Variants in ADGRD1 observed in about 807,000 individuals in gnomAD.
ADGRD1 encodes the protein G-protein coupled receptor 133.
Under a neutral mutation model 113.4 loss-of-function variants are expected in ADGRD1, and 77 were observed. The ratio of observed to expected loss-of-function variants is 0.68; its 90% CI spans 0.57 to 0.82. The LOEUF is 0.82. Among genes scored for constraint, ADGRD1 ranks in the 40% least tolerant of loss-of-function variants. ADGRD1 has a pLI of 0.00. For synonymous variants in ADGRD1, 474 were observed against 475.0 expected (o/e 1.00, Z 0.03); for missense variants, 1,036 against 1,139.1 (o/e 0.91, Z 1.30).
rs1878510116 is a variant in ADGRD1 at position 131,015,838 on chromosome 12, TC to T, written c.1473+1502del. 2.0e-5 allele frequency among the ~76,000 whole-genome samples: 3 copies of T among 152,198 alleles called. No homozygotes were observed. In the South Asian group the frequency reaches 6.2e-4, roughly 32 times the overall value. On this transcript the variant is annotated intron_variant, in intron 13 of 24. Coordinates refer to ENST00000261654, the MANE Select transcript of ADGRD1 (RefSeq NM_198827.5). The stretch of plus-strand genomic sequence containing the variant: ...TCCGCGTGTTCTGTCTGCTCCATTC[TC>T]CCCACAGTTTACAGACTTATTGTCA...
intron 2 of ADGRD1, among the ~76,000 whole-genome samples, chr12:130,959,968 G>T (rs1336335641): frequency 6.6e-6 from 1 of 152,180 alleles, no homozygotes; most frequent in Non-Finnish European, 1.5e-5. Context: ...GAAATCCAGG[G>T]TCGGCAGAGT....
chr12:131,077,931 T>G (rs1885768655), intron 14 of ADGRD1, among the ~76,000 whole-genome samples: 1 of 152,188 alleles, frequency 6.6e-6, no homozygotes, highest in East Asian at 1.9e-4. Context: ...TTATATGAAC[T>G]GTCCCAATGT....
At position 131,041,089 on chromosome 12, in the gene ADGRD1, C is replaced by A. The variant is rs1882089826; in HGVS notation, c.1473+26749C>A. Among the ~76,000 whole-genome samples, 1 of 152,202 alleles carries A rather than the reference C, an allele frequency of 6.6e-6. No homozygotes were observed. Among genetic ancestry groups the A allele is most frequent in the Non-Finnish European group, 1.5e-5 (1 of 68,030 alleles). ...ACCTGTGGTGATGATGCCACCATTTCTCTGATGCCCTCACTTGTCCTGGGG... is the reference window on the plus strand; with the variant it reads ...ACCTGTGGTGATGATGCCACCATTTATCTGATGCCCTCACTTGTCCTGGGG... On this transcript the variant is annotated intron_variant, in intron 13 of 24. Transcript: ENST00000261654. The surrounding 1 kb of genome is among the most constrained non-coding windows in gnomAD (Gnocchi z 4.4).
In ADGRD1 at chr12:130,992,365, G is replaced by A. The variant is rs371724722; in HGVS notation, c.939G>A (p.Ser313=). ...TCAGCTTACCCAGTAAGTCCCTCTC[G>A]GAGCAGACAGCCTTGAATCTCACCA... The part of the protein sequence containing the change: ...VSLSLPSKSL[S]EQTALNLTKT... The change falls in exon 8 of 25, where the codon TCG becomes TCA. Residue 313 remains serine, a synonymous_variant. Coordinates refer to ENST00000261654, the MANE Select transcript of ADGRD1 (RefSeq NM_198827.5). 4.3e-5 allele frequency: 69 copies of A among 1,613,596 alleles called. No individual in the cohort carries two copies. Among genetic ancestry groups the A allele is most frequent in the South Asian group, 1.3e-4 (12 of 91,026 alleles).
chr12:131,078,835 T>C (rs995968073), intron 14 of ADGRD1, among the ~76,000 whole-genome samples: 9 of 152,182 alleles, frequency 5.9e-5, no homozygotes, highest in Non-Finnish European at 1.0e-4. Flanking sequence ...TTCCTGTCCA[T>C]TGTGCAATTA....
intron 5 of ADGRD1, among the ~76,000 whole-genome samples, chr12:130,983,128 C>T (rs1047946798): frequency 3.9e-5 from 6 of 152,168 alleles, no homozygotes; most frequent in Non-Finnish European, 8.8e-5. Context: ...CCCTAACTGC[C>T]CTATGCCTCA....
chr12:130,978,852 T>G (rs1191383681), intron 4 of ADGRD1: 1 of 152,258 alleles, frequency 6.6e-6, no homozygotes, highest in East Asian at 1.9e-4. Flanking sequence ...ATTTGTTTCA[T>G]AACAAAAATT....
Position 131,131,814 on chromosome 12 carries a change from CA to C in ADGRD1, c.2267del (p.Lys756SerfsTer2). Reference sequence around the variant, plus strand: ...AGATCCATGGAGACCCCAGTGCCTTCAAGTAAGTTGACCTCAGGCTGCCAGC... The same window carrying C: ...AGATCCATGGAGACCCCAGTGCCTTCAGTAAGTTGACCTCAGGCTGCCAGC... Reference protein sequence around the residue: ...YKIHGDPSAFKLTAKAVAVLL... With the variant: ...YKIHGDPSAFXLTAKAVAVLL... On this transcript the variant is annotated frameshift_variant and splice_region_variant, in exon 21 of 25. Transcript: ENST00000261654. LOFTEE classifies it high-confidence loss of function. The C allele has an allele frequency of 6.2e-7, 1 of 1,604,870 alleles. No homozygotes were observed. The highest frequency in any genetic ancestry group is 8.5e-7 in the Non-Finnish European group (1 of 1,171,550).
At chr12:131,085,271 C>T (rs981849123) in intron 15 of ADGRD1, among the ~76,000 whole-genome samples, 11 of 152,220 alleles carry the variant, frequency 7.2e-5, no homozygotes, top group Non-Finnish European at 1.3e-4. Flanking sequence ...CGGGATGTGG[C>T]GTCTGAATGG....
intron 15 of ADGRD1, among the ~76,000 whole-genome samples, chr12:131,098,930 G>A (rs1950005372): frequency 6.6e-6 from 1 of 152,210 alleles, no homozygotes; most frequent in Non-Finnish European, 1.5e-5. Context: ...CATGGTGGTG[G>A]GCAGTCATTT....
At chr12:131,014,373 C>A in intron 13 of ADGRD1, 33 bp downstream of exon 13, 1 of 1,591,392 alleles carries the variant, frequency 6.3e-7, no homozygotes. Context: ...TTGTCGCCGC[C>A]TTTGATCTGG....
intron 13 of ADGRD1, among the ~76,000 whole-genome samples, chr12:131,036,413 T>C (rs563065993): frequency 6.9e-6 from 1 of 145,000 alleles, no homozygotes; most frequent in East Asian, 2.1e-4. Flanking sequence ...CAGGGTCTTA[T>C]TGCATCAGGT....
chr12:130,981,004 A>T (rs979860708), intron 4 of ADGRD1: 1 of 152,252 alleles, frequency 6.6e-6, no homozygotes, highest in African/African-American at 2.4e-5. Context: ...AGGACTTACC[A>T]CGAATGTGCA....
chr12:131,097,857 C>A (rs563855755), intron 15 of ADGRD1, among the ~76,000 whole-genome samples: 1 of 152,204 alleles, frequency 6.6e-6, no homozygotes, highest in Non-Finnish European at 1.5e-5. Flanking sequence ...TGCTCTTGTG[C>A]CCGGGAGCCC....
chr12:130,993,200 G>A, intron 8 of ADGRD1, among the ~76,000 whole-genome samples: 1 of 151,862 alleles, frequency 6.6e-6, no homozygotes, highest in East Asian at 1.9e-4. Context: ...AACAGTGCTG[G>A]GTACGTGGTG....
chr12:131,083,053 A>G (rs1886188970), intron 14 of ADGRD1, among the ~76,000 whole-genome samples: 1 of 152,218 alleles, frequency 6.6e-6, no homozygotes, highest in Non-Finnish European at 1.5e-5. Flanking sequence ...CATTGGCCAG[A>G]GAGGTACAAG....
intron 13 of ADGRD1, among the ~76,000 whole-genome samples, chr12:131,017,912 C>T (rs1262630901): frequency 6.6e-6 from 1 of 152,058 alleles, no homozygotes; most frequent in Non-Finnish European, 1.5e-5. Context: ...AACCAGTGCA[C>T]ACACACCCAG....
At chr12:131,101,945 C>T (rs1176509188) in intron 15 of ADGRD1, among the ~76,000 whole-genome samples, 4 of 152,172 alleles carry the variant, frequency 2.6e-5, no homozygotes, top group African/African-American at 9.7e-5. Flanking sequence ...ACTTCTTAAA[C>T]CACATCTCTA....
In ADGRD1 at chr12:131,136,109, C is replaced by T. The variant is rs779093767; in HGVS notation, c.2340C>T (p.Val780=). 1.2e-6 allele frequency: 2 copies of T among 1,614,180 alleles called. No individual in the cohort carries two copies. The highest frequency in any genetic ancestry group is 1.7e-5 in the Admixed American group (1 of 60,026). ...CGTGGGTCTTTGGCGTGCTTGCTGT[C>T]AACGGTTGTGCTGTGGTTTTCCAGT... The part of the protein sequence containing the change: ...GTSWVFGVLA[V]NGCAVVFQYM... The change falls in exon 22 of 25, where the codon GTC becomes GTT. Residue 780 remains valine, a synonymous_variant. Coordinates refer to ENST00000261654, the MANE Select transcript of ADGRD1 (RefSeq NM_198827.5).
Sources: gnomAD v4.1 joint callset for allele counts (sites outside exome capture counted in the v4.1 genomes callset) on GRCh38, gnomAD v4.1.1 for gene constraint, Gnocchi (gnomAD v3.1) non-coding constraint, MANE v1.5 for transcripts, NCBI Gene and HGNC (gene_info 2026-07-23, HGNC 2026-07-21) for gene names.